Variants in CIMAP1D observed in about 807,000 individuals in gnomAD.
The protein encoded by CIMAP1D is CIMAP1 family member D.
At chr19:464,419 C>G in the CIMAP1D span, 2 of 1,111,838 alleles carry the variant, frequency 1.8e-6, no homozygotes, top group East Asian at 5.2e-5. Flanking sequence ...CCCAGAGACC[C>G]GGCCTGGCTC....
chr19:488,750 C>G, the CIMAP1D span, among the ~76,000 whole-genome samples: 19 of 152,326 alleles, frequency 1.2e-4, no homozygotes, highest in African/African-American at 4.1e-4. Flanking sequence ...CGCCGGGGAA[C>G]AGGACCCGGC....
At chr19:473,318 G>A in the CIMAP1D span, among the ~76,000 whole-genome samples, 2 of 23,014 alleles carry the variant, frequency 8.7e-5, no homozygotes, top group Non-Finnish European at 6.9e-5. Context: ...GAGATACATG[G>A]TCACAGATGG....
At chr19:474,291 C>T in the CIMAP1D span, among the ~76,000 whole-genome samples, 1 of 152,154 alleles carries the variant, frequency 6.6e-6, no homozygotes, top group African/African-American at 2.4e-5. Flanking sequence ...CTAGGGCGCC[C>T]GTCCCTGAGG....
the CIMAP1D span, chr19:490,335 G>A: frequency 1.6e-3 from 383 of 234,798 alleles, no homozygotes; most frequent in African/African-American, 5.4e-3. Context: ...CAGCCTGGGC[G>A]ACAAGAGTGA....
At chr19:472,943 GT>G in the CIMAP1D span, among the ~76,000 whole-genome samples, 100 of 102,316 alleles carry the variant, frequency 9.8e-4, 2 homozygotes, top group African/African-American at 2.6e-3. Flanking sequence ...GAGATACATG[GT>G]CACAGATGGG....
the CIMAP1D span, among the ~76,000 whole-genome samples, chr19:482,936 G>A: frequency 6.6e-5 from 10 of 152,096 alleles, no homozygotes; most frequent in Admixed American, 4.6e-4. Context: ...GACCTCCTGC[G>A]CCCATGAACC....
the CIMAP1D span, among the ~76,000 whole-genome samples, chr19:484,143 T>TC: frequency 0.038 from 3,481 of 92,518 alleles, 97 homozygotes; most frequent in African/African-American, 0.083. Flanking sequence ...CTTTTTCTTT[T>TC]TTTTTTTTTT....
the CIMAP1D span, chr19:463,982 G>A: frequency 6.2e-7 from 1 of 1,610,390 alleles, no homozygotes; most frequent in Non-Finnish European, 8.5e-7. Context: ...CCTGCTCTGG[G>A]CAGTGGGCGC....
the CIMAP1D span, among the ~76,000 whole-genome samples, chr19:465,452 T>G: frequency 4.7e-5 from 5 of 105,446 alleles, no homozygotes; most frequent in Admixed American, 1.1e-4. Context: ...GATGGATGAG[T>G]GGGTGGGTGG....
At chr19:474,837 C>T in the CIMAP1D span, 9 of 1,145,844 alleles carry the variant, frequency 7.9e-6, no homozygotes, top group East Asian at 6.2e-5. Flanking sequence ...GCCCAGGCAC[C>T]GTCCCCACCT....
the CIMAP1D span, among the ~76,000 whole-genome samples, chr19:478,635 CAACACACATGCAGATG>C: frequency 6.6e-6 from 1 of 152,266 alleles, no homozygotes; most frequent in Non-Finnish European, 1.5e-5. Flanking sequence ...CAAATGAATT[CAACACACATGCAGATG>C]AGCCCTGATT....
the CIMAP1D span, among the ~76,000 whole-genome samples, chr19:483,816 G>A: frequency 2.0e-5 from 3 of 152,182 alleles, no homozygotes; most frequent in Non-Finnish European, 4.4e-5. Flanking sequence ...CCAGCTCCCC[G>A]GAAGCCCCTG....
chr19:483,520 A>G, the CIMAP1D span, among the ~76,000 whole-genome samples: 5 of 152,266 alleles, frequency 3.3e-5, no homozygotes, highest in African/African-American at 1.2e-4. Context: ...GCTGAAATCA[A>G]CAGACCAGGG....
chr19:489,788 G>A, the CIMAP1D span: 1 of 366,014 alleles, frequency 2.7e-6, no homozygotes, highest in East Asian at 4.0e-5. Flanking sequence ...CGGAGAGCGC[G>A]CTCGGGATGT....
At chr19:472,805 GCCTC>G in the CIMAP1D span, among the ~76,000 whole-genome samples, 2 of 150,350 alleles carry the variant, frequency 1.3e-5, no homozygotes, top group African/African-American at 4.9e-5. Flanking sequence ...TGAGGCCTGA[GCCTC>G]CCAGAGATAC....
Sources: gnomAD v4.1 joint callset for allele counts (sites outside exome capture counted in the v4.1 genomes callset) on GRCh38, gnomAD v4.1.1 for gene constraint, MANE v1.5 for transcripts, NCBI Gene and HGNC (gene_info 2026-07-23, HGNC 2026-07-21) for gene names.